The following DROSHA variants were observed in gnomAD, a reference collection of about 807,000 sequenced individuals.
DROSHA encodes the protein drosha ribonuclease III.
In DROSHA, 56 loss-of-function variants were observed where a neutral mutation model predicts 181.9. That is an observed-to-expected ratio of 0.31 (90% CI 0.25 to 0.38). The LOEUF is 0.38. Among genes scored for constraint, DROSHA ranks in the 10% least tolerant of loss-of-function variants. The pLI, the probability that DROSHA is intolerant of heterozygous loss-of-function variation, is 1.00. For missense variants in DROSHA, 1,218 were observed against 1,743.5 expected (o/e 0.70, Z 5.37); for synonymous variants, 524 against 591.2 (o/e 0.89, Z 1.65).
Position 31,472,235 on chromosome 5 carries a change from T to C in DROSHA, c.2072-3A>G. On this transcript the variant is annotated splice_polypyrimidine_tract_variant and splice_region_variant and intron_variant, in intron 16 of 35. Transcript: ENST00000344624. ...GGACAGCACTTCCTTTCCTCCATCT[T>C]GGGTGGGAATGGGAGTGGAGAGAAG... 1 of 1,602,600 alleles carries C rather than the reference T, an allele frequency of 6.2e-7. No individual in the cohort carries two copies. Among genetic ancestry groups the C allele is most frequent in the Non-Finnish European group, 8.5e-7 (1 of 1,174,002 alleles).
intron 14 of DROSHA, 83 bp downstream of exon 14, chr5:31,486,408 G>A: frequency 7.1e-7 from 1 of 1,410,114 alleles, no homozygotes; most frequent in South Asian, 1.3e-5. Context: ...GCCAGATCTG[G>A]CCAAGTTCAA....
rs201711846 is a variant in DROSHA at position 31,515,167 on chromosome 5, G to C, written c.1111C>G (p.Arg371Gly). 2 of 1,613,678 alleles carry C rather than the reference G, an allele frequency of 1.2e-6. No homozygotes were observed. Among genetic ancestry groups the C allele is most frequent in the African/African-American group, 1.3e-5 (1 of 74,816 alleles). The change falls in exon 8 of 36, where the codon CGT becomes GGT. Residue 371 changes from arginine (R) to glycine (G), a missense_variant. By Grantham distance (125) the Arg-to-Gly change is moderately radical. This residue lies in a region of DROSHA where 536 missense variants were observed against 535.4 expected (regional missense o/e 1.00). Coordinates refer to ENST00000344624, the MANE Select transcript of DROSHA (RefSeq NM_001382508.1). Reference protein sequence around the residue: ...KRARWEEEKDRWSDNQSSGKD... With the variant: ...KRARWEEEKDGWSDNQSSGKD... ...CCAGAACTCTGGTTGTCACTCCAAC[G>C]GTCTTTTTCTTCCTCCCAACGAGCT...
chr5:31,476,721 ATGGAAAGGT>A (rs1319192008), intron 16 of DROSHA, among the ~76,000 whole-genome samples: 2 of 152,188 alleles, frequency 1.3e-5, no homozygotes, highest in Non-Finnish European at 1.5e-5. Context: ...CTCGATTTCC[ATGGAAAGGT>A]AAGAGGAGAT....
At chr5:31,415,884 C>T (rs551684226) in intron 30 of DROSHA, among the ~76,000 whole-genome samples, 36 of 152,286 alleles carry the variant, frequency 2.4e-4, no homozygotes, top group South Asian at 2.1e-4. Flanking sequence ...CTACTGCATA[C>T]ACCAACCTAA....
chr5:31,457,620 T>C (rs902762268), intron 20 of DROSHA, among the ~76,000 whole-genome samples: 3 of 152,132 alleles, frequency 2.0e-5, no homozygotes, highest in African/African-American at 7.2e-5. Flanking sequence ...CCAGGCACAG[T>C]GGCTCATGTC....
chr5:31,418,218 GGTGTGTGTGT>G (rs746849120), intron 30 of DROSHA, among the ~76,000 whole-genome samples: 1 of 149,360 alleles, frequency 6.7e-6, no homozygotes, highest in Admixed American at 6.7e-5. Flanking sequence ...ATGTGTGTGT[GGTGTGTGTGT>G]GTGTGTGTGT....
chr5:31,462,587 G>T (rs180737069), intron 20 of DROSHA, among the ~76,000 whole-genome samples: 4 of 139,090 alleles, frequency 2.9e-5, no homozygotes, highest in Admixed American at 2.3e-4. Context: ...TATAGCTGAA[G>T]AATACAAAAC....
At chr5:31,483,688 A>T (rs1303027444) in intron 15 of DROSHA, 60 bp from the exon 16 acceptor site, 2 of 1,473,574 alleles carry the variant, frequency 1.4e-6, no homozygotes, top group Admixed American at 4.6e-5. Flanking sequence ...AAAAACAAGC[A>T]CTGCAACTTA....
At chr5:31,402,448 A>G (rs1290367019) in intron 35 of DROSHA, among the ~76,000 whole-genome samples, 1 of 152,196 alleles carries the variant, frequency 6.6e-6, no homozygotes, top group Non-Finnish European at 1.5e-5. Flanking sequence ...CTTTCATTAT[A>G]GTATATTATT....
chr5:31,456,696 A>C (rs543350696), intron 20 of DROSHA, among the ~76,000 whole-genome samples: 2 of 152,354 alleles, frequency 1.3e-5, no homozygotes, highest in South Asian at 4.1e-4. Context: ...AAAGCCAAAC[A>C]TATCAATAAG....
chr5:31,525,495 T>A (rs1252536985), intron 5 of DROSHA, among the ~76,000 whole-genome samples: 1 of 131,732 alleles, frequency 7.6e-6, no homozygotes, highest in Non-Finnish European at 1.6e-5. Flanking sequence ...CATAGCGAGA[T>A]TCTGTCACAA....
intron 17 of DROSHA, among the ~76,000 whole-genome samples, chr5:31,469,312 G>A (rs545927572): frequency 3.9e-5 from 6 of 151,978 alleles, no homozygotes; most frequent in South Asian, 4.2e-4. Context: ...AGCTGAGATC[G>A]CACCACTGTG....
intron 25 of DROSHA, among the ~76,000 whole-genome samples, chr5:31,433,920 GGAAGGT>G (rs1206501110): frequency 3.3e-5 from 5 of 152,200 alleles, no homozygotes; most frequent in African/African-American, 1.2e-4. Context: ...TCATTAGTCT[GGAAGGT>G]GACCTAGAGC....
At chr5:31,431,745 A>T in intron 25 of DROSHA, 67 bp from the exon 26 acceptor site, 1 of 1,493,874 alleles carries the variant, frequency 6.7e-7, no homozygotes, top group Non-Finnish European at 9.3e-7. Context: ...GTAACTCAGC[A>T]TCTCTTGCAG....
chr5:31,495,458 C>T, intron 11 of DROSHA, 86 bp from the exon 12 acceptor site: 1 of 1,267,442 alleles, frequency 7.9e-7, no homozygotes, highest in South Asian at 1.4e-5. Flanking sequence ...AGATTCACAT[C>T]TAACAAAACA....
chr5:31,407,458 A>T (rs577391637), intron 33 of DROSHA, among the ~76,000 whole-genome samples: 1 of 152,340 alleles, frequency 6.6e-6, no homozygotes, highest in South Asian at 2.1e-4. Flanking sequence ...AACATCTGAG[A>T]TCACTTGAAA....
intron 26 of DROSHA, among the ~76,000 whole-genome samples, chr5:31,431,045 G>A (rs1744113535): frequency 6.6e-6 from 1 of 152,206 alleles, no homozygotes. Context: ...AGCCAAGGAA[G>A]TAAAGTGCCT....
chr5:31,450,233 T>C (rs78777145), intron 21 of DROSHA, among the ~76,000 whole-genome samples: 6,507 of 152,250 alleles, frequency 0.043, 462 homozygotes, highest in African/African-American at 0.15. Flanking sequence ...TTATATAAAC[T>C]ACATAAATTA....
rs1470096557 is a variant in DROSHA at position 31,504,575 on chromosome 5, T to C, written c.1648A>G (p.Ser550Gly). The change falls in exon 11 of 36, where the codon AGC (serine) becomes GGC (glycine). Residue 550 changes from serine to glycine, a missense_variant. Physicochemically the swap from Ser to Gly is moderately conservative, Grantham distance 56 (BLOSUM62 0). Transcript: ENST00000344624. ...GTTACCTCTTCTCCAGGATAAATGC[T>C]GTGCCTAATTCCTGTGCGTCTTGCC... ...AKARRTGIRH[S>G]IYPGEEAIKP... The C allele has an allele frequency of 1.2e-6, 2 of 1,614,032 alleles. No individual in the cohort carries two copies. The highest frequency in any genetic ancestry group is 8.5e-7 in the Non-Finnish European group (1 of 1,179,894).
Sources: gnomAD v4.1 joint callset for allele counts (sites outside exome capture counted in the v4.1 genomes callset) on GRCh38, gnomAD v4.1.1 for gene constraint, gnomAD v4.1.1 regional missense constraint, MANE v1.5 for transcripts, NCBI Gene and HGNC (gene_info 2026-07-23, HGNC 2026-07-21) for gene names.